The following LZTS1 variants were observed in gnomAD, a reference collection of about 807,000 sequenced individuals.
The protein encoded by LZTS1 is leucine zipper tumor suppressor 1.
A neutral mutation model predicts 45.8 loss-of-function variants in LZTS1; 31 were observed. That is an observed-to-expected ratio of 0.68 (90% confidence interval 0.51 to 0.91). The LOEUF is 0.91. Among genes scored for constraint, LZTS1 ranks in the 40% least tolerant of loss-of-function variants. The pLI, the probability that LZTS1 is intolerant of heterozygous loss-of-function variation, is 0.00. For synonymous variants in LZTS1, 359 were observed against 357.3 expected, an observed-to-expected ratio of 1.00 and a Z score of -0.05; for missense variants, 821 against 788.9, an observed-to-expected ratio of 1.04 and a Z score of -0.49.
chr8:20,251,114 T>C (rs559738623), intron 3 of LZTS1, among the ~76,000 whole-genome samples: 1 of 19,262 alleles, frequency 5.2e-5, no homozygotes, highest in African/African-American at 2.8e-4. Flanking sequence ...TATATATATA[T>C]ATATATATAT....
rs776391925 is a variant in LZTS1, at chr8:20,298,155, G to A, written c.-135+5585C>T. On this transcript the variant is annotated intron_variant, in intron 1 of 3. Coordinates refer to ENST00000381569, the MANE Select transcript of LZTS1 (RefSeq NM_021020.5). Reference sequence around the variant, plus strand: ...CCACTCACTGCAACCTCCACCTCCCGGGTTCAAGAGATTCTCCTGTCTCAG... The same window carrying A: ...CCACTCACTGCAACCTCCACCTCCCAGGTTCAAGAGATTCTCCTGTCTCAG... Among the ~76,000 whole-genome samples, 8 of 151,996 alleles carry A rather than the reference G, an allele frequency of 5.3e-5. No homozygotes were observed. In the East Asian group the frequency reaches 1.2e-3, roughly 22 times the overall value.
chr8:20,294,603 G>A (rs878934443), intron 1 of LZTS1, among the ~76,000 whole-genome samples: 4 of 152,178 alleles, frequency 2.6e-5, no homozygotes, highest in Non-Finnish European at 5.9e-5. Context: ...TAGGCAAGGA[G>A]GGGGAGGCTG....
At chr8:20,298,250 C>T (rs1801011637) in intron 1 of LZTS1, among the ~76,000 whole-genome samples, 1 of 151,908 alleles carries the variant, frequency 6.6e-6, no homozygotes, top group African/African-American at 2.4e-5. Flanking sequence ...TTAGTAGAGA[C>T]AGGGCTTCAT....
intron 1 of LZTS1, among the ~76,000 whole-genome samples, chr8:20,271,484 C>T (rs1800474251): frequency 6.6e-6 from 1 of 152,198 alleles, no homozygotes; most frequent in Non-Finnish European, 1.5e-5. Context: ...GTGTTACCAG[C>T]AGCAAGGCCA....
Position 20,255,271 on chromosome 8 carries a change from T to C in LZTS1, c.-90A>G, listed in dbSNP as rs570226265. The C allele has an allele frequency of 6.7e-7, 1 of 1,490,758 alleles. No homozygotes were observed. Among genetic ancestry groups the C allele is most frequent in the African/African-American group, 1.4e-5 (1 of 72,136 alleles). 92.3% of individuals were successfully genotyped at this position (1,490,758 alleles called of 1,614,324 possible). On this transcript the variant is annotated 5_prime_UTR_variant, in exon 2 of 4. Coordinates refer to ENST00000381569, the MANE Select transcript of LZTS1 (RefSeq NM_021020.5). ...GGCAGTCGTGGCTCCGTGAGGGGAC[T>C]GAGGTCATAGCAAAGCCCTCACAGA...
At chr8:20,256,352 C>T (rs369556302) in intron 1 of LZTS1, among the ~76,000 whole-genome samples, 2 of 152,134 alleles carry the variant, frequency 1.3e-5, no homozygotes, top group East Asian at 3.9e-4. Context: ...CAAGGAGCCC[C>T]TGGATGGCTT....
At chr8:20,300,373 C>CAT (rs1801054042) in intron 1 of LZTS1, among the ~76,000 whole-genome samples, 2 of 152,120 alleles carry the variant, frequency 1.3e-5, no homozygotes, top group South Asian at 4.2e-4. Context: ...CTCTCTGTTG[C>CAT]CCAGACTGGA....
At chr8:20,294,711 G>A (rs912028589) in intron 1 of LZTS1, among the ~76,000 whole-genome samples, 1 of 152,078 alleles carries the variant, frequency 6.6e-6, no homozygotes, top group Admixed American at 6.5e-5. Context: ...GCAGGGAAGA[G>A]CTCAAGCTGG....
At chr8:20,300,912 G>A (rs1393407801) in intron 1 of LZTS1, among the ~76,000 whole-genome samples, 1 of 152,068 alleles carries the variant, frequency 6.6e-6, no homozygotes, top group Non-Finnish European at 1.5e-5. Context: ...TTGAGGTCAG[G>A]AGTTCAAGAC....
chr8:20,251,440 A>G (rs1799906839), intron 3 of LZTS1, among the ~76,000 whole-genome samples: 1 of 151,978 alleles, frequency 6.6e-6, no homozygotes, highest in Non-Finnish European at 1.5e-5. Flanking sequence ...CTGTGAAAGG[A>G]AATGTGAAGG....
chr8:20,255,107 C>T lies in LZTS1; in HGVS notation c.75G>A (p.Leu25=). 1 of 1,614,206 alleles carries T rather than the reference C, an allele frequency of 6.2e-7. No individual in the cohort carries two copies. Among genetic ancestry groups the T allele is most frequent in the South Asian group, 1.1e-5 (1 of 91,082 alleles). Residue 25 remains leucine (L), a synonymous_variant, in exon 2 of 4, where the codon CTG becomes CTA. Coordinates refer to ENST00000381569, the MANE Select transcript of LZTS1 (RefSeq NM_021020.5). ...SKHCRASQYK[L]RKSSHLKKLN... Reference sequence around the variant, plus strand: ...GCTTCTTGAGGTGGGAGGACTTGCGCAGCTTGTACTGCGAAGCCCGGCAGT... The same window carrying T: ...GCTTCTTGAGGTGGGAGGACTTGCGTAGCTTGTACTGCGAAGCCCGGCAGT...
chr8:20,267,681 C>T (rs543887645), intron 1 of LZTS1, among the ~76,000 whole-genome samples: 1 of 152,128 alleles, frequency 6.6e-6, no homozygotes, highest in Admixed American at 6.6e-5. Flanking sequence ...CCATGCCCAG[C>T]TAATTTTTTT....
intron 1 of LZTS1, among the ~76,000 whole-genome samples, chr8:20,267,608 C>T (rs1299133993): frequency 3.9e-5 from 6 of 152,070 alleles, no homozygotes; most frequent in Admixed American, 6.5e-5. Context: ...CTCTGCCTCC[C>T]GGGTTCAAGT....
At chr8:20,262,669 G>A (rs1340652429) in intron 1 of LZTS1, among the ~76,000 whole-genome samples, 3 of 152,136 alleles carry the variant, frequency 2.0e-5, no homozygotes, top group Non-Finnish European at 2.9e-5. Flanking sequence ...TTCTCAAATG[G>A]GGGTAATTTG....
intron 1 of LZTS1, among the ~76,000 whole-genome samples, chr8:20,295,218 G>C (rs12115046): frequency 1.1e-3 from 169 of 152,280 alleles, no homozygotes; most frequent in African/African-American, 3.9e-3. Context: ...CTGGGCATTG[G>C]GCAATGGATG....
chr8:20,274,507 A>G (rs1280091440), intron 1 of LZTS1, among the ~76,000 whole-genome samples: 2 of 152,008 alleles, frequency 1.3e-5, no homozygotes, highest in East Asian at 1.9e-4. Context: ...CCTCAGTGGC[A>G]CTCTGGCCTG....
At chr8:20,261,149 A>G (rs1321901759) in intron 1 of LZTS1, among the ~76,000 whole-genome samples, 1 of 152,184 alleles carries the variant, frequency 6.6e-6, no homozygotes, top group African/African-American at 2.4e-5. Context: ...AAGAAATCAC[A>G]TAGATGTTGG....
intron 1 of LZTS1, among the ~76,000 whole-genome samples, chr8:20,263,891 G>T (rs1009199895): frequency 3.3e-5 from 5 of 152,100 alleles, no homozygotes; most frequent in African/African-American, 1.2e-4. Context: ...TTGAGATATG[G>T]AAATATGTAC....
rs1289411479 is a variant in LZTS1, at chr8:20,251,114, TATATATATATATATATA to T, written c.1150-768_1150-752del. On this transcript the variant is annotated intron_variant, in intron 3 of 3. Transcript: ENST00000381569. ...CTGAGGGCTAATATATATATATATA[TATATATATATATATATA>T]TATATATATATATATATAAAATATA... Among the ~76,000 whole-genome samples the T allele has an allele frequency of 1.7e-3, 33 of 19,272 alleles. 2 individuals carry two copies. In the East Asian group the frequency reaches 0.088, roughly 51 times the overall value. 12.6% of individuals were successfully genotyped at this position (19,272 alleles called of 152,430 possible).
Sources: allele counts gnomAD v4.1 joint callset (sites outside exome capture counted in the v4.1 genomes callset), GRCh38; gene constraint gnomAD v4.1.1; transcripts MANE v1.5; gene names NCBI Gene and HGNC (gene_info 2026-07-23, HGNC 2026-07-21).